Variants in PDGFC observed in about 807,000 individuals in gnomAD.
PDGFC encodes platelet derived growth factor C, also known as platelet-derived growth factor C.
A neutral mutation model predicts 35.5 loss-of-function variants in PDGFC; 12 were observed. That is an observed-to-expected ratio of 0.34 (90% CI 0.22 to 0.55). The LOEUF (loss-of-function observed/expected upper bound fraction) is 0.55, where lower values mean the gene tolerates loss of function less well. Among genes scored for constraint, PDGFC ranks in the 20% least tolerant of loss-of-function variants. PDGFC has a pLI of 0.91. For missense variants in PDGFC, 322 were observed against 412.4 expected, an observed-to-expected ratio of 0.78 and a Z score of 1.90; for synonymous variants, 159 against 148.8, an observed-to-expected ratio of 1.07 and a Z score of -0.50.
At chr4:156,785,453 A>C (rs1164130610) in intron 3 of PDGFC, among the ~76,000 whole-genome samples, 1 of 152,176 alleles carries the variant, frequency 6.6e-6, no homozygotes, top group Non-Finnish European at 1.5e-5. Context: ...ACCTCAGGTG[A>C]TCTGCCAGCC....
At chr4:156,786,273 C>A (rs1356655453) in intron 3 of PDGFC, among the ~76,000 whole-genome samples, 1 of 152,042 alleles carries the variant, frequency 6.6e-6, no homozygotes, top group Non-Finnish European at 1.5e-5. Flanking sequence ...GAAAAACAGA[C>A]CATGCACAAC....
intron 1 of PDGFC, among the ~76,000 whole-genome samples, chr4:156,878,314 T>C (rs984035676): frequency 1.3e-5 from 2 of 152,142 alleles, no homozygotes; most frequent in Non-Finnish European, 2.9e-5. Flanking sequence ...CCAGATCCAA[T>C]CATTCCGTGC....
chr4:156,803,683 T>G (rs1174930529), intron 3 of PDGFC, among the ~76,000 whole-genome samples: 1 of 152,124 alleles, frequency 6.6e-6, no homozygotes, highest in Non-Finnish European at 1.5e-5. Flanking sequence ...TTGTAACAAA[T>G]GTAAGAGAAA....
intron 3 of PDGFC, among the ~76,000 whole-genome samples, chr4:156,805,283 T>C (rs765804441): frequency 6.6e-6 from 1 of 152,012 alleles, no homozygotes; most frequent in Non-Finnish European, 1.5e-5. Flanking sequence ...ATCTAATCAT[T>C]CAACAAGTGC....
intron 1 of PDGFC, among the ~76,000 whole-genome samples, chr4:156,964,830 C>T (rs985959509): frequency 2.0e-5 from 3 of 152,142 alleles, no homozygotes; most frequent in Non-Finnish European, 4.4e-5. Flanking sequence ...CCAACTCTAA[C>T]ATTCCTCATA....
At chr4:156,815,819 C>G (rs910059521) in intron 2 of PDGFC, among the ~76,000 whole-genome samples, 1 of 152,158 alleles carries the variant, frequency 6.6e-6, no homozygotes, top group Non-Finnish European at 1.5e-5. Context: ...AAAGGATTTA[C>G]TAAACCTATT....
chr4:156,848,613 C>T (rs1386942424), intron 2 of PDGFC, among the ~76,000 whole-genome samples: 1 of 151,898 alleles, frequency 6.6e-6, no homozygotes, highest in African/African-American at 2.4e-5. Flanking sequence ...TGTTCTGAAA[C>T]ATATGTTAAA....
intron 2 of PDGFC, among the ~76,000 whole-genome samples, chr4:156,831,843 C>A (rs1250875828): frequency 6.6e-6 from 1 of 151,992 alleles, no homozygotes; most frequent in Admixed American, 6.6e-5. Flanking sequence ...ATTTTTCAAA[C>A]CTTATTATAA....
chr4:156,959,379 G>C (rs1407646939), intron 1 of PDGFC, among the ~76,000 whole-genome samples: 1 of 151,928 alleles, frequency 6.6e-6, no homozygotes, highest in Non-Finnish European at 1.5e-5. Flanking sequence ...TAAACATCTA[G>C]TAAATGACCC....
At chr4:156,835,158 A>C (rs1560833326) in intron 2 of PDGFC, among the ~76,000 whole-genome samples, 1 of 152,216 alleles carries the variant, frequency 6.6e-6, no homozygotes, top group Non-Finnish European at 1.5e-5. Flanking sequence ...AGAGTTTATC[A>C]GCAGTTTAAG....
chr4:156,921,984 G>A (rs574048780), intron 1 of PDGFC, among the ~76,000 whole-genome samples: 4 of 152,160 alleles, frequency 2.6e-5, no homozygotes, highest in Middle Eastern at 3.4e-3. Flanking sequence ...GCAAATATTA[G>A]GTAAGGAGAA....
intron 3 of PDGFC, among the ~76,000 whole-genome samples, chr4:156,805,331 C>T (rs1731728862): frequency 6.6e-6 from 1 of 151,788 alleles, no homozygotes; most frequent in Non-Finnish European, 1.5e-5. Context: ...CTTGAAATAC[C>T]TCTTCCAGTC....
At chr4:156,824,325 T>TATATATATATATAC (rs1313538089) in intron 2 of PDGFC, among the ~76,000 whole-genome samples, 3 of 109,636 alleles carry the variant, frequency 2.7e-5, no homozygotes, top group East Asian at 2.7e-4. Flanking sequence ...TATATATATA[T>TATATATATATATAC]ATACACACAC....
At chr4:156,917,741 A>AG in intron 1 of PDGFC, among the ~76,000 whole-genome samples, 1 of 152,356 alleles carries the variant, frequency 6.6e-6, no homozygotes, top group African/African-American at 2.4e-5. Context: ...AATGTACATG[A>AG]GTTACACTCA....
intron 1 of PDGFC, among the ~76,000 whole-genome samples, chr4:156,872,507 T>C (rs1052449431): frequency 2.6e-5 from 4 of 152,172 alleles, no homozygotes; most frequent in African/African-American, 9.6e-5. Flanking sequence ...TAGTACACAC[T>C]CCTCTCATCC....
At chr4:156,947,819 G>C (rs1288725847) in intron 1 of PDGFC, among the ~76,000 whole-genome samples, 1 of 151,952 alleles carries the variant, frequency 6.6e-6, no homozygotes, top group South Asian at 2.1e-4. Flanking sequence ...ATATACTGTG[G>C]AGAGTGTGAA....
chr4:156,797,917 C>T (rs1467674149), intron 3 of PDGFC, among the ~76,000 whole-genome samples: 2 of 152,088 alleles, frequency 1.3e-5, no homozygotes, highest in African/African-American at 2.4e-5. Context: ...AGACCAGGCG[C>T]GGTGCCTCAC....
chr4:156,790,144 T>C (rs1406848558), intron 3 of PDGFC, among the ~76,000 whole-genome samples: 5 of 152,206 alleles, frequency 3.3e-5, no homozygotes, highest in African/African-American at 1.2e-4. Flanking sequence ...TATTTTAGTG[T>C]ATGTATCTGT....
At chr4:156,817,953 G>A (rs1037405628) in intron 2 of PDGFC, among the ~76,000 whole-genome samples, 2 of 151,308 alleles carry the variant, frequency 1.3e-5, no homozygotes, top group South Asian at 4.2e-4. Flanking sequence ...CAGCTACTCA[G>A]GAGGCTGAGG....
Sources: gnomAD v4.1 joint callset for allele counts (sites outside exome capture counted in the v4.1 genomes callset) on GRCh38, gnomAD v4.1.1 for gene constraint, MANE v1.5 for transcripts, NCBI Gene and HGNC (gene_info 2026-07-23, HGNC 2026-07-21) for gene names.